Variants in RNF130 observed in about 807,000 individuals in gnomAD.
RNF130 encodes the protein ring finger protein 130.
Under a neutral mutation model 44.6 loss-of-function variants are expected in RNF130, and 21 were observed. The observed-to-expected ratio is 0.47, with a 90% CI of 0.33 to 0.68. RNF130 has a LOEUF of 0.68. Among genes scored for constraint, RNF130 ranks in the 30% least tolerant of loss-of-function variants. RNF130 has a pLI of 0.02. For synonymous variants in RNF130, 214 were observed against 210.4 expected (o/e 1.02, Z -0.15); for missense variants, 479 against 560.6 (o/e 0.85, Z 1.47).
intron 1 of RNF130, among the ~76,000 whole-genome samples, chr5:180,044,396 A>C (rs1387367304): frequency 6.6e-6 from 1 of 152,186 alleles, no homozygotes; most frequent in Non-Finnish European, 1.5e-5. Context: ...AAGTATTAAA[A>C]GTAATGAGAC....
intron 6 of RNF130, among the ~76,000 whole-genome samples, chr5:179,968,220 A>G (rs1361232799): frequency 1.3e-5 from 2 of 151,712 alleles, no homozygotes; most frequent in Non-Finnish European, 2.9e-5. Context: ...GCATGAACCC[A>G]GGAGGCGGAG....
intron 7 of RNF130, among the ~76,000 whole-genome samples, chr5:179,925,832 T>C (rs1016342378): frequency 3.9e-5 from 6 of 152,178 alleles, no homozygotes; most frequent in Admixed American, 3.9e-4. Flanking sequence ...CACACCTGGC[T>C]GGGTTTATTC....
At position 180,071,542 on chromosome 5, in the gene RNF130, A is replaced by G; in HGVS notation, c.161T>C (p.Phe54Ser). The G allele has an allele frequency of 7.1e-7, 1 of 1,406,952 alleles. No homozygotes were observed. The highest frequency in any genetic ancestry group is 9.3e-7 in the Non-Finnish European group (1 of 1,072,000). The allele number at this position is 1,406,952 out of a possible 1,614,324, so 87.2% of individuals were successfully genotyped here. A position where few individuals can be genotyped will look rare whatever the true frequency, so the allele number is the denominator to read the frequency against. Residue 54 changes from phenylalanine to serine, a missense_variant, in exon 1 of 9, where the codon TTT (phenylalanine) becomes TCT (serine). Physicochemically the swap from Phe to Ser is radical, Grantham distance 155 (BLOSUM62 -2). Transcript: ENST00000521389. Reference protein sequence around the residue: ...QEPGRGAPLTFRIDRGRYGLD... With the variant: ...QEPGRGAPLTSRIDRGRYGLD... Reference sequence around the variant, plus strand: ...CCCGTAGCGCCCGCGGTCGATGCGAAACGTGAGCGGGGCGCCGCGGCCGGG... The same window carrying G: ...CCCGTAGCGCCCGCGGTCGATGCGAGACGTGAGCGGGGCGCCGCGGCCGGG...
chr5:180,001,487 C>T (rs1367967195), intron 3 of RNF130, among the ~76,000 whole-genome samples: 2 of 152,180 alleles, frequency 1.3e-5, no homozygotes, highest in African/African-American at 4.8e-5. Flanking sequence ...ACCTAAGAGT[C>T]TACTTTGTAG....
chr5:179,970,468 C>G lies in RNF130; in HGVS notation c.887G>C (p.Ser296Thr). 6.2e-7 allele frequency: 1 copy of G among 1,613,666 alleles called. No homozygotes were observed. Among genetic ancestry groups the G allele is most frequent in the Non-Finnish European group, 8.5e-7 (1 of 1,179,778 alleles). ...GCACATAGGACAGGTACAATGTTCA[C>G]TAAGCCAGGGATCCACGCAGGATTT... ...FHKSCVDPWL[S>T]EHCTCPMCKL... Residue 296 changes from serine (S) to threonine (T), a missense_variant, in exon 6 of 9, where the codon AGT becomes ACT. By Grantham distance (58) the Ser-to-Thr change is moderately conservative. Coordinates refer to ENST00000521389, the MANE Select transcript of RNF130 (RefSeq NM_018434.6).
chr5:180,015,884 T>G (rs888883705), intron 2 of RNF130, among the ~76,000 whole-genome samples: 5 of 152,072 alleles, frequency 3.3e-5, no homozygotes, highest in Non-Finnish European at 7.4e-5. Flanking sequence ...GGAAAAGAAG[T>G]GTGTAATTAT....
intron 7 of RNF130, among the ~76,000 whole-genome samples, chr5:179,940,672 G>C (rs956276877): frequency 3.3e-5 from 5 of 151,846 alleles, no homozygotes; most frequent in Admixed American, 6.6e-5. Flanking sequence ...AACTTACTGT[G>C]ATATGTCTTG....
intron 2 of RNF130, among the ~76,000 whole-genome samples, chr5:180,038,916 A>G (rs771154101): frequency 1.3e-5 from 2 of 152,246 alleles, no homozygotes; most frequent in South Asian, 2.1e-4. Context: ...TGGAATGAAG[A>G]TAAGTTACAT....
chr5:179,911,770 C>T (rs1401471713), exon 8 of RNF130: 1 of 152,186 alleles, frequency 6.6e-6, no homozygotes, highest in African/African-American at 2.4e-5. Context: ...TATACTTACA[C>T]CAACCATGCA....
rs572823166 is a variant in RNF130 at position 179,946,589 on chromosome 5, T to A, written c.1150+20217A>T. On this transcript the variant is annotated intron_variant, in intron 7 of 7. Transcript: ENST00000522208. ...TTTTTTTTGAGACGGAGTCTCGCTC[T>A]GTCGCCCAGGCTGGAGTGCAGTGGT... 3.2e-3 allele frequency among the ~76,000 whole-genome samples: 480 copies of A among 151,118 alleles called. 4 individuals are homozygous for A. The highest frequency in any genetic ancestry group is 0.011 in the African/African-American group (451 of 40,844).
At chr5:180,016,051 C>T (rs1392312848) in intron 2 of RNF130, among the ~76,000 whole-genome samples, 1 of 152,198 alleles carries the variant, frequency 6.6e-6, no homozygotes, top group Non-Finnish European at 1.5e-5. Flanking sequence ...AGAAGCCGCT[C>T]GCGGTGGCGT....
At chr5:180,061,143 A>C (rs1182300108) in intron 1 of RNF130, among the ~76,000 whole-genome samples, 1 of 151,482 alleles carries the variant, frequency 6.6e-6, no homozygotes, top group Admixed American at 6.6e-5. Context: ...AAGAGTAAAG[A>C]CTGTGGGTGA....
At chr5:180,014,118 T>C (rs982893485) in intron 2 of RNF130, among the ~76,000 whole-genome samples, 1 of 152,240 alleles carries the variant, frequency 6.6e-6, no homozygotes, top group Non-Finnish European at 1.5e-5. Context: ...TCCAGAGGTC[T>C]GCCCACAAGC....
intron 3 of RNF130, among the ~76,000 whole-genome samples, chr5:179,998,105 C>CT (rs1763245289): frequency 6.6e-6 from 1 of 152,198 alleles, no homozygotes; most frequent in African/African-American, 2.4e-5. Flanking sequence ...TCCCAAAGTG[C>CT]TGCGATTAGA....
chr5:180,059,331 C>T (rs1387074652), intron 1 of RNF130, among the ~76,000 whole-genome samples: 1 of 152,182 alleles, frequency 6.6e-6, no homozygotes, highest in Admixed American at 6.5e-5. Context: ...TCTCAGCATC[C>T]CGATGCTTTC....
chr5:179,927,498 C>T (rs1008933266), intron 7 of RNF130, among the ~76,000 whole-genome samples: 1 of 152,074 alleles, frequency 6.6e-6, no homozygotes, highest in African/African-American at 2.4e-5. Flanking sequence ...CCCTACAAGT[C>T]CCTCCAGTGA....
At chr5:179,997,742 T>A (rs1458097940) in intron 3 of RNF130, among the ~76,000 whole-genome samples, 1 of 150,968 alleles carries the variant, frequency 6.6e-6, no homozygotes, top group East Asian at 2.0e-4. Context: ...GCTGGGATTA[T>A]AAGCATGAGC....
chr5:180,024,616 G>A (rs575367266), intron 2 of RNF130, among the ~76,000 whole-genome samples: 63 of 151,956 alleles, frequency 4.1e-4, no homozygotes, highest in Middle Eastern at 3.2e-3. Flanking sequence ...AGACACTTTC[G>A]GATAAATAAA....
At chr5:180,060,507 G>T (rs948685483) in intron 1 of RNF130, among the ~76,000 whole-genome samples, 2 of 152,302 alleles carry the variant, frequency 1.3e-5, no homozygotes, top group Middle Eastern at 3.4e-3. Context: ...GGCCATCCTT[G>T]AAGAGTGCTG....
Sources: gnomAD v4.1 joint callset for allele counts (sites outside exome capture counted in the v4.1 genomes callset) on GRCh38, gnomAD v4.1.1 for gene constraint, MANE v1.5 for transcripts, NCBI Gene and HGNC (gene_info 2026-07-23, HGNC 2026-07-21) for gene names.